FER: variants seen among roughly 807,000 people sequenced by gnomAD.
FER encodes the protein tyrosine-protein kinase Fer.
Under a neutral mutation model 111.0 loss-of-function variants are expected in FER, and 63 were observed. The ratio of observed to expected loss-of-function variants is 0.57; its 90% CI spans 0.46 to 0.70. FER has a LOEUF of 0.70. Among genes scored for constraint, FER ranks in the 30% least tolerant of loss-of-function variants. FER has a pLI of 0.00. For missense variants in FER, 914 were observed against 954.0 expected, an observed-to-expected ratio of 0.96 and a Z score of 0.55; for synonymous variants, 327 against 313.9, an observed-to-expected ratio of 1.04 and a Z score of -0.44.
chr5:109,064,417 TA>T (rs568731168), intron 16 of FER, among the ~76,000 whole-genome samples: 1 of 152,114 alleles, frequency 6.6e-6, no homozygotes, highest in Non-Finnish European at 1.5e-5. Context: ...ATATAAGAAA[TA>T]AAAATATAAC....
rs1207697205 is a variant in FER, at chr5:108,867,947, C to T, written c.662C>T (p.Ala221Val). The T allele has an allele frequency of 5.0e-6, 8 of 1,603,822 alleles. No homozygotes were observed. Among genetic ancestry groups the T allele is most frequent in the Non-Finnish European group, 6.8e-6 (8 of 1,176,398 alleles). ...AAGATGCAAGAAGAAATGATAAAAG[C>T]ACTGTAAGATACATTTTCTTTTTAT... is the stretch of plus-strand genomic sequence containing the variant. ...LQKMQEEMIK[A>V]LKGIFDEYSQ... The change falls in exon 6 of 20, where the codon GCA (alanine) becomes GTA (valine). Residue 221 changes from alanine to valine, a missense_variant. Around this residue, in one of 3 missense-constraint regions of FER, gnomAD observed 774 missense variants for 782.6 expected, o/e 0.99. Coordinates refer to ENST00000281092, the MANE Select transcript of FER (RefSeq NM_005246.4).
chr5:108,862,127 T>C (rs1763582415), intron 5 of FER, among the ~76,000 whole-genome samples: 1 of 152,196 alleles, frequency 6.6e-6, no homozygotes, highest in South Asian at 2.1e-4. Flanking sequence ...TGAGAATTTA[T>C]TATTATTATT....
chr5:109,042,775 G>A (rs1290887569), intron 14 of FER, among the ~76,000 whole-genome samples: 1 of 152,104 alleles, frequency 6.6e-6, no homozygotes, highest in Non-Finnish European at 1.5e-5. Context: ...TTGGAGGTGG[G>A]CGTTTTCCAC....
At chr5:108,875,880 T>G (rs1476073634) in intron 8 of FER, among the ~76,000 whole-genome samples, 1 of 152,224 alleles carries the variant, frequency 6.6e-6, no homozygotes, top group Non-Finnish European at 1.5e-5. Flanking sequence ...GGTCTCTTTA[T>G]TATAAGGTGT....
chr5:108,857,156 A>T (rs1432290819), intron 5 of FER, among the ~76,000 whole-genome samples: 1 of 152,098 alleles, frequency 6.6e-6, no homozygotes, highest in Admixed American at 6.5e-5. Flanking sequence ...ATACATATAT[A>T]TGCATGTGTG....
rs1377045939 is a variant in FER at position 108,826,984 on chromosome 5, T to TA, written c.208-5785dup. Among the ~76,000 whole-genome samples the TA allele has an allele frequency of 5.3e-5, 8 of 152,288 alleles. No homozygotes were observed. The South Asian group carries it at 1.7e-3, about 32-fold the overall frequency. On this transcript the variant is annotated intron_variant, in intron 3 of 19. Transcript: ENST00000281092. ...TCTCAATTCTTAGAGACAATTTAAG[T>TA]AGCACCAAAGTTTACTGATTCAAAC...
intron 17 of FER, among the ~76,000 whole-genome samples, chr5:109,111,278 G>A (rs1221302849): frequency 1.3e-5 from 2 of 152,074 alleles, no homozygotes; most frequent in Non-Finnish European, 2.9e-5. Context: ...GTTGTTGCTA[G>A]TTAACAAAAA....
chr5:108,952,166 CA>C (rs1581366342), intron 11 of FER, among the ~76,000 whole-genome samples: 1 of 152,060 alleles, frequency 6.6e-6, no homozygotes, highest in African/African-American at 2.4e-5. Flanking sequence ...CTCCTACCCC[CA>C]TATCTTTGGC....
chr5:109,068,844 CATT>C (rs1468261604), intron 16 of FER, among the ~76,000 whole-genome samples: 1 of 152,122 alleles, frequency 6.6e-6, no homozygotes, highest in Non-Finnish European at 1.5e-5. Flanking sequence ...TGAGAAGTAA[CATT>C]ATGTATAGAT....
At chr5:108,794,222 CTTT>C (rs201053084) in intron 2 of FER, among the ~76,000 whole-genome samples, 1 of 133,802 alleles carries the variant, frequency 7.5e-6, no homozygotes. Context: ...TTTTTTTTTT[CTTT>C]TTTTTTTTTG....
chr5:109,048,070 T>A (rs1772247831), intron 16 of FER, among the ~76,000 whole-genome samples: 1 of 152,146 alleles, frequency 6.6e-6, no homozygotes, highest in South Asian at 2.1e-4. Flanking sequence ...TAACAATTAT[T>A]TACTCATTTT....
chr5:109,007,722 C>G (rs1581623343), intron 13 of FER, among the ~76,000 whole-genome samples: 1 of 152,252 alleles, frequency 6.6e-6, no homozygotes, highest in East Asian at 1.9e-4. Flanking sequence ...TATAAACATT[C>G]ATTTAAAGCG....
At chr5:108,853,373 A>C (rs1287952906) in intron 5 of FER, among the ~76,000 whole-genome samples, 1 of 152,264 alleles carries the variant, frequency 6.6e-6, no homozygotes, top group South Asian at 2.1e-4. Context: ...ATTTTAGAGC[A>C]GAAGATAGCT....
At chr5:109,052,475 CT>C in intron 16 of FER, 1 of 1,071,468 alleles carries the variant, frequency 9.3e-7, no homozygotes, top group Non-Finnish European at 1.4e-6. Flanking sequence ...GGGCACCACT[CT>C]TTTGCTTAAA....
chr5:108,997,054 C>T (rs1455035628), intron 13 of FER, among the ~76,000 whole-genome samples: 1 of 151,936 alleles, frequency 6.6e-6, no homozygotes, highest in Non-Finnish European at 1.5e-5. Context: ...CATGATTTGG[C>T]TCTCTGTCTG....
intron 3 of FER, among the ~76,000 whole-genome samples, chr5:108,823,376 G>T (rs1476684125): frequency 6.6e-6 from 1 of 152,146 alleles, no homozygotes; most frequent in Non-Finnish European, 1.5e-5. Flanking sequence ...TACATAATGG[G>T]TGTCCTAATT....
At chr5:108,864,997 A>G (rs916274615) in intron 5 of FER, among the ~76,000 whole-genome samples, 28 of 152,254 alleles carry the variant, frequency 1.8e-4, no homozygotes, top group African/African-American at 6.7e-4. Context: ...TGAGCATGGA[A>G]TGTTCTTCCA....
chr5:109,077,587 A>G (rs551548473), intron 16 of FER, among the ~76,000 whole-genome samples: 14 of 152,266 alleles, frequency 9.2e-5, no homozygotes, highest in Admixed American at 5.2e-4. Flanking sequence ...TTTGCATTGC[A>G]GGGTCTTTGT....
At chr5:109,044,653 A>T in intron 14 of FER, 27 bp from the exon 15 acceptor site, 1 of 1,178,426 alleles carries the variant, frequency 8.5e-7, no homozygotes, top group Non-Finnish European at 1.2e-6. Context: ...CATTTACCCC[A>T]GACAATGAAT....
Sources: gnomAD v4.1 joint callset for allele counts (sites outside exome capture counted in the v4.1 genomes callset) on GRCh38, gnomAD v4.1.1 for gene constraint, gnomAD v4.1.1 regional missense constraint, MANE v1.5 for transcripts, NCBI Gene and HGNC (gene_info 2026-07-23, HGNC 2026-07-21) for gene names.